Variants in FSTL5 observed in about 807,000 individuals in gnomAD.
FSTL5 encodes follistatin-related protein 5.
Under a neutral mutation model 89.1 loss-of-function variants are expected in FSTL5, and 62 were observed. That is an observed-to-expected ratio of 0.70 (90% CI 0.57 to 0.86). FSTL5 has a LOEUF of 0.86. Among genes scored for constraint, FSTL5 ranks in the 40% least tolerant of loss-of-function variants. The probability of loss-of-function intolerance (pLI) is 0.00; values close to 1 mark genes in which losing one functional copy is unlikely to be tolerated. For missense variants in FSTL5, 1,057 were observed against 1,001.6 expected (o/e 1.06, Z -0.75); for synonymous variants, 383 against 346.2 (o/e 1.11, Z -1.18).
At chr4:161,622,213 C>T (rs1735156528) in intron 7 of FSTL5, among the ~76,000 whole-genome samples, 1 of 151,932 alleles carries the variant, frequency 6.6e-6, no homozygotes, top group African/African-American at 2.4e-5. Flanking sequence ...ATCTTAACAG[C>T]CTTTTATCTC....
At chr4:161,989,503 G>A (rs1736053100) in intron 3 of FSTL5, among the ~76,000 whole-genome samples, 1 of 151,854 alleles carries the variant, frequency 6.6e-6, no homozygotes, top group Admixed American at 6.6e-5. Flanking sequence ...CATAGCTATG[G>A]AATCAAACTT....
chr4:162,065,329 A>G (rs542061667), intron 2 of FSTL5, among the ~76,000 whole-genome samples: 2 of 152,126 alleles, frequency 1.3e-5, no homozygotes, highest in South Asian at 4.1e-4. Context: ...ACCAAAATGT[A>G]TAAGTAACTC....
At chr4:161,621,267 T>TACACACAC (rs146037793) in intron 7 of FSTL5, among the ~76,000 whole-genome samples, 2,784 of 146,126 alleles carry the variant, frequency 0.019, 75 homozygotes, top group African/African-American at 0.061. Flanking sequence ...ATGTAAAGAC[T>TACACACAC]ACACACACAC....
intron 8 of FSTL5, among the ~76,000 whole-genome samples, chr4:161,566,005 G>A (rs113305611): frequency 0.018 from 2,636 of 150,100 alleles, 87 homozygotes; most frequent in African/African-American, 0.061. Flanking sequence ...TTTCCATAGA[G>A]GTTGTACTAA....
Position 161,600,329 on chromosome 4 carries a change from G to T in FSTL5, c.895-12754C>A, listed in dbSNP as rs1734186559. On this transcript the variant is annotated intron_variant, in intron 7 of 15. Coordinates refer to ENST00000306100, the MANE Select transcript of FSTL5 (RefSeq NM_020116.5). ...AGGGTTAACATATAATTCACAGTAG[G>T]AGTCATGCACAGGAGAAGAAGGAGA... Among the ~76,000 whole-genome samples, 3 of 151,992 alleles carry T rather than the reference G, an allele frequency of 2.0e-5. No individual in the cohort carries two copies. In the South Asian group the frequency reaches 6.2e-4, roughly 32 times the overall value.
At chr4:161,387,297 C>T (rs1233009586) in intron 15 of FSTL5, 1 of 151,872 alleles carries the variant, frequency 6.6e-6, no homozygotes, top group African/African-American at 2.4e-5. Flanking sequence ...TTGTAAAGGA[C>T]TTTTATTTAT....
chr4:161,429,233 G>T (rs4518193), intron 15 of FSTL5, among the ~76,000 whole-genome samples: 21,349 of 152,132 alleles, frequency 0.14, 1,766 homozygotes, highest in East Asian at 0.24. Flanking sequence ...AGTTTTCCAT[G>T]CTAGACCCTG....
chr4:161,649,704 G>C (rs1736271327), intron 7 of FSTL5, among the ~76,000 whole-genome samples: 1 of 152,150 alleles, frequency 6.6e-6, no homozygotes, highest in Non-Finnish European at 1.5e-5. Flanking sequence ...ACAGAATGCT[G>C]AGTAGTATGC....
intron 8 of FSTL5, among the ~76,000 whole-genome samples, chr4:161,578,401 A>T (rs1211280307): frequency 6.6e-6 from 1 of 152,118 alleles, no homozygotes; most frequent in Non-Finnish European, 1.5e-5. Context: ...AGAGCATAAA[A>T]ACTATTGAAA....
rs1349350426 is a variant in FSTL5 at position 161,825,756 on chromosome 4, A to C, written c.410-49682T>G. 3.3e-5 allele frequency among the ~76,000 whole-genome samples: 5 copies of C among 151,712 alleles called. No homozygotes were observed. The East Asian group carries it at 9.7e-4, about 29-fold the overall frequency. On this transcript the variant is annotated intron_variant, in intron 4 of 15. Coordinates refer to ENST00000306100, the MANE Select transcript of FSTL5 (RefSeq NM_020116.5). ...ATATCACTTGTTTCATTTTTATTTG[A>C]GCTTATTTGGATCTTCTCTCTTCCT...
chr4:161,423,912 T>C (rs1334616837), intron 15 of FSTL5, among the ~76,000 whole-genome samples: 1 of 151,420 alleles, frequency 6.6e-6, no homozygotes, highest in Non-Finnish European at 1.5e-5. Flanking sequence ...CAGGCTGGAG[T>C]GCAGTGGCGC....
chr4:161,992,904 GTA>G lies in FSTL5; in HGVS notation c.160+40719_160+40720del, dbSNP rs755647924. Among the ~76,000 whole-genome samples the G allele has an allele frequency of 1.4e-3, 88 of 62,284 alleles. 2 individuals carry two copies. Among genetic ancestry groups the G allele is most frequent in the African/African-American group, 5.1e-3 (84 of 16,394 alleles). The allele number at this position is 62,284 out of a possible 152,430, so 40.9% of individuals were successfully genotyped here. A position where few individuals can be genotyped will look rare whatever the true frequency, so the allele number is the denominator to read the frequency against. On this transcript the variant is annotated intron_variant, in intron 3 of 15. Transcript: ENST00000306100. ...TATATATATATATATATATGTGTGTGTATATATATATATATATATATGTGTGT... is the reference window on the plus strand; with the variant it reads ...TATATATATATATATATATGTGTGTGTATATATATATATATATATGTGTGT...
chr4:161,995,758 A>G (rs1736273819), intron 3 of FSTL5, among the ~76,000 whole-genome samples: 1 of 151,174 alleles, frequency 6.6e-6, no homozygotes, highest in African/African-American at 2.4e-5. Context: ...GTCTATTAAC[A>G]TGTAATGAGT....
rs775338849 is a variant in FSTL5, at chr4:161,385,921, T to C, written c.2370A>G (p.Glu790=). Reference sequence around the variant, plus strand: ...GCCTGTTTTTCCGGTTCCAAGGCCATTCTTCTGCCTTGAGTGGTTCCTTGA... The same window carrying C: ...GCCTGTTTTTCCGGTTCCAAGGCCACTCTTCTGCCTTGAGTGGTTCCTTGA... ...KSLKEPLKAE[E]WPWNRKNRQI... is the part of the protein sequence containing the mutation. The change falls in exon 16 of 16, where the codon GAA becomes GAG. Residue 790 remains glutamate (E), a synonymous_variant. Transcript: ENST00000306100. The C allele has an allele frequency of 6.2e-7, 1 of 1,613,976 alleles. No homozygotes were observed. Among genetic ancestry groups the C allele is most frequent in the Non-Finnish European group, 8.5e-7 (1 of 1,179,934 alleles).
chr4:161,604,643 C>A (rs1734373689), intron 7 of FSTL5, among the ~76,000 whole-genome samples: 1 of 152,044 alleles, frequency 6.6e-6, no homozygotes, highest in Admixed American at 6.6e-5. Flanking sequence ...ACAAAACCAC[C>A]CAAAGTGGTA....
intron 7 of FSTL5, among the ~76,000 whole-genome samples, chr4:161,646,312 A>C (rs1736153583): frequency 6.7e-6 from 1 of 150,112 alleles, no homozygotes; most frequent in Non-Finnish European, 1.5e-5. Context: ...CTTTAACTTT[A>C]TACTTTTAAG....
At chr4:161,436,344 T>C (rs1157023735) in intron 15 of FSTL5, among the ~76,000 whole-genome samples, 1 of 152,150 alleles carries the variant, frequency 6.6e-6, no homozygotes, top group Non-Finnish European at 1.5e-5. Context: ...TTTAGGGAGG[T>C]TTTGGCTGCT....
intron 12 of FSTL5, among the ~76,000 whole-genome samples, chr4:161,487,640 G>A (rs977581003): frequency 6.6e-6 from 1 of 151,922 alleles, no homozygotes; most frequent in African/African-American, 2.4e-5. Flanking sequence ...CTCCCACAGA[G>A]TTTAGGAAGC....
At chr4:161,635,692 T>G (rs1735663010) in intron 7 of FSTL5, among the ~76,000 whole-genome samples, 1 of 152,172 alleles carries the variant, frequency 6.6e-6, no homozygotes, top group Non-Finnish European at 1.5e-5. Context: ...GCTATCTTTC[T>G]TATGAACAAC....
Sources: allele counts gnomAD v4.1 joint callset (sites outside exome capture counted in the v4.1 genomes callset), GRCh38; gene constraint gnomAD v4.1.1; transcripts MANE v1.5; gene names NCBI Gene and HGNC (gene_info 2026-07-23, HGNC 2026-07-21).